FAF1: variants seen among roughly 807,000 people sequenced by gnomAD.
The protein encoded by FAF1 is Fas associated factor 1.
A neutral mutation model predicts 92.5 loss-of-function variants in FAF1; 25 were observed. The ratio of observed to expected loss-of-function variants is 0.27; its 90% CI spans 0.20 to 0.38. The LOEUF (loss-of-function observed/expected upper bound fraction) is 0.38, where lower values mean the gene tolerates loss of function less well. FAF1 is among the 10% of genes least tolerant of loss of function. FAF1 has a pLI of 1.00. For missense variants in FAF1, 636 were observed against 793.3 expected, an observed-to-expected ratio of 0.80 and a Z score of 2.38; for synonymous variants, 234 against 273.2, an observed-to-expected ratio of 0.86 and a Z score of 1.42.
chr1:50,940,852 T>C (rs1570166205), intron 1 of FAF1, among the ~76,000 whole-genome samples: 1 of 152,198 alleles, frequency 6.6e-6, no homozygotes, highest in South Asian at 2.1e-4. Flanking sequence ...TCTCATTTTT[T>C]GGGAAGATTT....
intron 1 of FAF1, among the ~76,000 whole-genome samples, chr1:50,874,303 C>T (rs1644551986): frequency 6.6e-6 from 1 of 151,788 alleles, no homozygotes; most frequent in East Asian, 1.9e-4. Flanking sequence ...AAAATAAAAC[C>T]ATCCCATACC....
chr1:50,635,749 C>A (rs958991770), intron 8 of FAF1, among the ~76,000 whole-genome samples: 3 of 152,184 alleles, frequency 2.0e-5, no homozygotes, highest in Admixed American at 6.5e-5. Context: ...ACTCATCTGG[C>A]CTTACTGACT....
chr1:50,598,020 G>A (rs978516473), intron 8 of FAF1, among the ~76,000 whole-genome samples: 2 of 152,240 alleles, frequency 1.3e-5, no homozygotes, highest in South Asian at 2.1e-4. Flanking sequence ...CTGGCTGGGC[G>A]TGGTGGCTCA....
At chr1:50,794,016 T>A (rs1661656095) in intron 3 of FAF1, among the ~76,000 whole-genome samples, 3 of 152,230 alleles carry the variant, frequency 2.0e-5, no homozygotes, top group Admixed American at 2.0e-4. Context: ...ATGCAAATAT[T>A]CTCAAATCTG....
At chr1:50,724,160 C>T (rs1488457903) in intron 6 of FAF1, among the ~76,000 whole-genome samples, 1 of 150,670 alleles carries the variant, frequency 6.6e-6, no homozygotes, top group Non-Finnish European at 1.5e-5. Flanking sequence ...TGCTTGAGCC[C>T]AGGGTGGTTC....
Position 50,441,389 on chromosome 1 carries a change from C to G in FAF1, c.*51G>C. ...GGTTGGCGAGGAGCCCTTCTCCTGA[C>G]GCAGGCTGCTGGCTTGTCAAGGAAT... is the stretch of plus-strand genomic sequence containing the variant. On this transcript the variant is annotated 3_prime_UTR_variant, in exon 19 of 19. Transcript: ENST00000396153. 8.3e-7 allele frequency: 1 copy of G among 1,210,494 alleles called. No homozygotes were observed. Among genetic ancestry groups the G allele is most frequent in the Non-Finnish European group, 1.1e-6 (1 of 872,046 alleles). The allele number at this position is 1,210,494 out of a possible 1,614,324, so 75.0% of individuals were successfully genotyped here.
Position 50,438,690 on chromosome 1 carries a change from T to C in FAF1, c.*2750A>G, listed in dbSNP as rs1243011060. 2 of 152,238 alleles carry C rather than the reference T, an allele frequency of 1.3e-5. No homozygotes were observed. Among genetic ancestry groups the C allele is most frequent in the East Asian group, 1.9e-4 (1 of 5,202 alleles). The allele number at this position is 152,238 out of a possible 1,614,324, so 9.4% of individuals were successfully genotyped here. A position where few individuals can be genotyped will look rare whatever the true frequency, so the allele number is the denominator to read the frequency against. On this transcript the variant is annotated 3_prime_UTR_variant, in exon 19 of 19. Coordinates refer to ENST00000396153, the MANE Select transcript of FAF1 (RefSeq NM_007051.3). ...GAAATTTGCCAGAGCTCTCCACCTC[T>C]TAAAAACCTATTCTACTGACCAGCA...
At chr1:50,460,421 A>G (rs1025328461) in intron 18 of FAF1, among the ~76,000 whole-genome samples, 1 of 152,182 alleles carries the variant, frequency 6.6e-6, no homozygotes, top group Non-Finnish European at 1.5e-5. Context: ...AGTGCTGTCT[A>G]GTGTTCCTAA....
intron 9 of FAF1, among the ~76,000 whole-genome samples, chr1:50,592,989 T>C (rs993802301): frequency 6.7e-6 from 1 of 148,568 alleles, no homozygotes; most frequent in Non-Finnish European, 1.5e-5. Flanking sequence ...CACAAAGTCA[T>C]GTAGGAGTAG....
At chr1:50,845,483 T>G (rs892916575) in intron 2 of FAF1, among the ~76,000 whole-genome samples, 1 of 152,082 alleles carries the variant, frequency 6.6e-6, no homozygotes, top group Non-Finnish European at 1.5e-5. Flanking sequence ...AGGCTGCTGC[T>G]CCTGCAAATT....
intron 4 of FAF1, among the ~76,000 whole-genome samples, chr1:50,763,770 C>T (rs1660454310): frequency 6.6e-6 from 1 of 152,072 alleles, no homozygotes; most frequent in Non-Finnish European, 1.5e-5. Flanking sequence ...CAAAGTGAAC[C>T]AATATTTTCC....
chr1:50,585,709 T>C (rs968125706), intron 9 of FAF1, among the ~76,000 whole-genome samples: 1 of 152,056 alleles, frequency 6.6e-6, no homozygotes, highest in African/African-American at 2.4e-5. Context: ...AAAATTTCTA[T>C]CTTTTAAAAT....
intron 9 of FAF1, among the ~76,000 whole-genome samples, chr1:50,595,147 T>G (rs967680022): frequency 6.6e-6 from 1 of 151,922 alleles, no homozygotes. Context: ...CTCCACCTCT[T>G]GGGTTCAAGT....
At chr1:50,711,692 C>G (rs1275371511) in intron 6 of FAF1, among the ~76,000 whole-genome samples, 1 of 152,128 alleles carries the variant, frequency 6.6e-6, no homozygotes. Flanking sequence ...GTCTTGAACT[C>G]CTGACCTCGT....
Position 50,526,461 on chromosome 1 carries a change from T to A in FAF1, c.1494+8908A>T, listed in dbSNP as rs913584351. 5.3e-5 allele frequency among the ~76,000 whole-genome samples: 8 copies of A among 151,730 alleles called. No individual in the cohort carries two copies. The South Asian group carries it at 1.5e-3, about 28-fold the overall frequency. On this transcript the variant is annotated intron_variant, in intron 15 of 18. Transcript: ENST00000396153. ...AAATAATAATAATATTTATTATTTT[T>A]AAATAATTTTAAAATTTTTTTCATA...
chr1:50,775,964 A>G (rs1052377499), intron 4 of FAF1, among the ~76,000 whole-genome samples: 1 of 152,134 alleles, frequency 6.6e-6, no homozygotes. Context: ...TCATAAGGCA[A>G]TAACTATAAT....
chr1:50,595,399 G>A (rs1572857713), intron 9 of FAF1, among the ~76,000 whole-genome samples: 1 of 152,104 alleles, frequency 6.6e-6, no homozygotes, highest in Non-Finnish European at 1.5e-5. Flanking sequence ...CTTTGGTATA[G>A]GTATAGTGTT....
intron 7 of FAF1, among the ~76,000 whole-genome samples, chr1:50,692,241 C>CTCTGTGTGTGTGTG (rs1403550926): frequency 1.2e-4 from 16 of 129,082 alleles, no homozygotes; most frequent in African/African-American, 4.3e-4. Context: ...GAAGTATTTA[C>CTCTGTGTGTGTGTG]TGTGTGTGTG....
intron 12 of FAF1, among the ~76,000 whole-genome samples, chr1:50,574,116 ACT>A (rs1037108952): frequency 3.9e-5 from 6 of 152,132 alleles, no homozygotes; most frequent in African/African-American, 1.4e-4. Flanking sequence ...ACGGGGCGAG[ACT>A]CTGTCTAAAA....
Sources: allele counts gnomAD v4.1 joint callset (sites outside exome capture counted in the v4.1 genomes callset), GRCh38; gene constraint gnomAD v4.1.1; transcripts MANE v1.5; gene names NCBI Gene and HGNC (gene_info 2026-07-23, HGNC 2026-07-21).